Variants in KCNMA1 observed in about 807,000 individuals in gnomAD.
The protein encoded by KCNMA1 is potassium calcium-activated channel subfamily M alpha 1.
In KCNMA1, 29 loss-of-function variants were observed where a neutral mutation model predicts 140.0. That is an observed-to-expected ratio of 0.21 (90% CI 0.15 to 0.28). The LOEUF (loss-of-function observed/expected upper bound fraction) is 0.28, where lower values mean the gene tolerates loss of function less well. KCNMA1 is among the 10% of genes least tolerant of loss of function. The probability of loss-of-function intolerance (pLI) is 1.00; values close to 1 mark genes in which losing one functional copy is unlikely to be tolerated. For missense variants in KCNMA1, 880 were observed against 1,602.2 expected, an observed-to-expected ratio of 0.55 and a Z score of 7.70; for synonymous variants, 612 against 611.9, an observed-to-expected ratio of 1.00 and a Z score of 0.00.
chr10:77,541,040 A>G (rs2060062334), intron 1 of KCNMA1, among the ~76,000 whole-genome samples: 2 of 152,084 alleles, frequency 1.3e-5, no homozygotes, highest in Non-Finnish European at 2.9e-5. Context: ...AGAACAGAAT[A>G]TGATCTACAG....
At chr10:77,367,689 G>A (rs1603429639) in intron 2 of KCNMA1, among the ~76,000 whole-genome samples, 1 of 152,086 alleles carries the variant, frequency 6.6e-6, no homozygotes, top group Admixed American at 6.5e-5. Context: ...AAACTATCTT[G>A]CATTATCCTT....
At chr10:77,099,312 A>C (rs1193412182) in intron 9 of KCNMA1, among the ~76,000 whole-genome samples, 2 of 152,144 alleles carry the variant, frequency 1.3e-5, no homozygotes, top group African/African-American at 2.4e-5. Flanking sequence ...CCATAATGAC[A>C]ACCAACTTGA....
intron 21 of KCNMA1, among the ~76,000 whole-genome samples, chr10:76,952,330 C>A (rs769412112): frequency 1.3e-5 from 2 of 152,128 alleles, no homozygotes; most frequent in African/African-American, 2.4e-5. Flanking sequence ...ACCATCCTGG[C>A]CAATATGGTG....
chr10:77,364,003 C>T (rs367568674), intron 2 of KCNMA1, among the ~76,000 whole-genome samples: 3 of 152,132 alleles, frequency 2.0e-5, no homozygotes, highest in South Asian at 2.1e-4. Context: ...CTTATTCTCT[C>T]GACCAGTTTG....
intron 1 of KCNMA1, among the ~76,000 whole-genome samples, chr10:77,421,351 C>T (rs545923547): frequency 6.6e-6 from 1 of 152,334 alleles, no homozygotes; most frequent in East Asian, 1.9e-4. Context: ...TAAAACCTTC[C>T]AATCATGTGG....
chr10:77,598,130 C>G (rs1362987324), intron 1 of KCNMA1, among the ~76,000 whole-genome samples: 2 of 152,096 alleles, frequency 1.3e-5, no homozygotes, highest in African/African-American at 4.8e-5. Flanking sequence ...GCCACCACAC[C>G]TGGCTAATTT....
chr10:77,025,438 G>T, intron 16 of KCNMA1: 1 of 1,603,200 alleles, frequency 6.2e-7, no homozygotes, highest in Non-Finnish European at 8.5e-7. Flanking sequence ...TTAACGAAGA[G>T]TGCATACCGC....
intron 1 of KCNMA1, among the ~76,000 whole-genome samples, chr10:77,624,319 A>G (rs2092120912): frequency 6.6e-6 from 1 of 152,222 alleles, no homozygotes; most frequent in African/African-American, 2.4e-5. Context: ...CCATTCCCCC[A>G]CACCAAAAAT....
At chr10:77,197,640 G>GC in intron 3 of KCNMA1, among the ~76,000 whole-genome samples, 1 of 152,206 alleles carries the variant, frequency 6.6e-6, no homozygotes, top group Admixed American at 6.5e-5. Context: ...TGCGTCCAGT[G>GC]CTCACCACGT....
intron 21 of KCNMA1, among the ~76,000 whole-genome samples, chr10:76,951,320 C>A (rs1249350204): frequency 6.6e-6 from 1 of 152,110 alleles, no homozygotes; most frequent in Non-Finnish European, 1.5e-5. Flanking sequence ...GTTTAAAGCA[C>A]ACTAGAGAGA....
chr10:76,985,225 C>T (rs2080913805), intron 19 of KCNMA1, among the ~76,000 whole-genome samples: 1 of 152,164 alleles, frequency 6.6e-6, no homozygotes. Flanking sequence ...CAAACCAATT[C>T]TAATATGTAA....
intron 5 of KCNMA1, among the ~76,000 whole-genome samples, chr10:77,134,706 G>C (rs190344213): frequency 6.6e-6 from 1 of 152,076 alleles, no homozygotes; most frequent in Non-Finnish European, 1.5e-5. Flanking sequence ...AGAATCAACC[G>C]AGTGAAGAGA....
intron 1 of KCNMA1, among the ~76,000 whole-genome samples, chr10:77,514,583 T>C (rs1341191900): frequency 1.3e-5 from 2 of 152,140 alleles, no homozygotes; most frequent in African/African-American, 4.8e-5. Context: ...CACATGTGAC[T>C]CCCACAAGCC....
At chr10:76,975,972 A>ATAAT (rs1199449223) in intron 19 of KCNMA1, among the ~76,000 whole-genome samples, 1 of 152,190 alleles carries the variant, frequency 6.6e-6, no homozygotes, top group East Asian at 1.9e-4. Flanking sequence ...CCCAACGATC[A>ATAAT]TAATATCTCA....
intron 2 of KCNMA1, among the ~76,000 whole-genome samples, chr10:77,275,614 C>T (rs1419549930): frequency 6.6e-6 from 1 of 152,166 alleles, no homozygotes; most frequent in African/African-American, 2.4e-5. Context: ...ATTGTTGCTC[C>T]CCTAGTGAGG....
At chr10:77,492,129 G>C (rs951229351) in intron 1 of KCNMA1, among the ~76,000 whole-genome samples, 4 of 152,218 alleles carry the variant, frequency 2.6e-5, no homozygotes, top group Non-Finnish European at 2.9e-5. Context: ...ACAACCTTCA[G>C]TGCTTGCCGA....
chr10:77,539,252 C>T (rs893724975), intron 1 of KCNMA1, among the ~76,000 whole-genome samples: 2 of 152,200 alleles, frequency 1.3e-5, no homozygotes, highest in Non-Finnish European at 1.5e-5. Context: ...TAGGTACTAA[C>T]GTTCTGCATT....
intron 1 of KCNMA1, among the ~76,000 whole-genome samples, chr10:77,559,887 G>A (rs1381392766): frequency 6.6e-6 from 1 of 152,036 alleles, no homozygotes; most frequent in Non-Finnish European, 1.5e-5. Flanking sequence ...GTTTAAAACT[G>A]CAGGTTATGG....
intron 3 of KCNMA1, among the ~76,000 whole-genome samples, chr10:77,199,393 G>C (rs1257144935): frequency 1.3e-5 from 2 of 152,166 alleles, no homozygotes; most frequent in East Asian, 1.9e-4. Context: ...AGATATGCAA[G>C]AGCAGCTTGT....
Sources: gnomAD v4.1 joint callset for allele counts (sites outside exome capture counted in the v4.1 genomes callset) on GRCh38, gnomAD v4.1.1 for gene constraint, MANE v1.5 for transcripts, NCBI Gene and HGNC (gene_info 2026-07-23, HGNC 2026-07-21) for gene names.